Variants in CCNK observed in about 807,000 individuals in gnomAD.
CCNK encodes the protein cyclin K.
Under a neutral mutation model 65.0 loss-of-function variants are expected in CCNK, and 9 were observed. That is an observed-to-expected ratio of 0.14 (90% CI 0.08 to 0.24). The LOEUF (loss-of-function observed/expected upper bound fraction) is 0.24. CCNK is among the 10% of genes least tolerant of loss of function. The probability of loss-of-function intolerance (pLI) is 1.00; values close to 1 mark genes in which losing one functional copy is unlikely to be tolerated. For synonymous variants in CCNK, 279 were observed against 270.8 expected, an observed-to-expected ratio of 1.03 and a Z score of -0.30; for missense variants, 474 against 720.0, an observed-to-expected ratio of 0.66 and a Z score of 3.91.
rs371653930 is a variant in CCNK, at chr14:99,507,159, C to G, written c.1117+12C>G. Reference sequence around the variant, plus strand: ...CCACCCACCTCCAGGTAAGCATCTGCTGAAGCAGCTTGGCCAGCTGTGCAC... The same window carrying G: ...CCACCCACCTCCAGGTAAGCATCTGGTGAAGCAGCTTGGCCAGCTGTGCAC... On this transcript the variant is annotated intron_variant, in intron 10 of 10. Transcript: ENST00000389879. 1.3e-6 allele frequency: 2 copies of G among 1,555,408 alleles called. No individual in the cohort carries two copies. The highest frequency in any genetic ancestry group is 1.8e-6 in the Non-Finnish European group (2 of 1,127,018).
intron 1 of CCNK, among the ~76,000 whole-genome samples, chr14:99,483,292 T>C (rs910121257): frequency 1.3e-5 from 2 of 152,020 alleles, no homozygotes; most frequent in East Asian, 3.9e-4. Flanking sequence ...CTCACGCTTA[T>C]AATACCAGTA....
At position 99,500,972 on chromosome 14, in the gene CCNK, T is replaced by A. The variant is rs141211780; in HGVS notation, c.517+101T>A. ...CTTCTCAAAAGCGGAAAACAAAGTT[T>A]GATGTGTGAAATACCAAGGGCATGG... On this transcript the variant is annotated intron_variant, in intron 5 of 10. Coordinates refer to ENST00000389879, the MANE Select transcript of CCNK (RefSeq NM_001099402.2). 3.1e-4 allele frequency: 235 copies of A among 759,652 alleles called. 1 individual carries two copies. The African/African-American group carries it at 3.6e-3, about 12-fold the overall frequency. 47.1% of individuals were successfully genotyped at this position (759,652 alleles called of 1,614,324 possible). A position where few individuals can be genotyped will look rare whatever the true frequency, so the allele number is the denominator to read the frequency against.
chr14:99,492,177 A>T (rs1896610731), intron 1 of CCNK: 1 of 153,212 alleles, frequency 6.5e-6, no homozygotes, highest in African/African-American at 2.4e-5. Context: ...GAATAAACTG[A>T]AAAGGGGTGC....
intron 10 of CCNK, chr14:99,507,886 C>G (rs531637873): frequency 5.3e-5 from 8 of 152,244 alleles, no homozygotes; most frequent in South Asian, 2.1e-4. Context: ...CTCTCTGATA[C>G]CGCTGGCAAT....
At chr14:99,507,336 G>A in intron 10 of CCNK, 189 bp downstream of exon 10, 1 of 583,954 alleles carries the variant, frequency 1.7e-6, no homozygotes, top group Non-Finnish European at 3.1e-6. Context: ...CAGCACTTTG[G>A]GAGGCGGAGG....
Position 99,502,983 on chromosome 14 carries a change from T to A in CCNK, c.1010T>A (p.Val337Glu). 6.2e-7 allele frequency: 1 copy of A among 1,613,830 alleles called. No homozygotes were observed. The highest frequency in any genetic ancestry group is 1.1e-5 in the South Asian group (1 of 91,070). ...TCTCCCCGACAGGTTAAGCGAGCCG[T>A]GGTGAGTGGGCTAAAGCAGGCCCTG... ...PSSPRQVKRA[V>E]VVSPKEENKA... is the part of the protein sequence containing the mutation. Residue 337 changes from valine (V) to glutamate (E), a missense_variant and splice_region_variant, in exon 8 of 11, where the codon GTG (valine) becomes GAG (glutamate). Physicochemically the swap from Val to Glu is moderately radical, Grantham distance 121. Transcript: ENST00000389879.
chr14:99,492,613 C>G lies in CCNK; in HGVS notation c.-52-13C>G. On this transcript the variant is annotated splice_polypyrimidine_tract_variant and intron_variant, in intron 1 of 10. Coordinates refer to ENST00000389879, the MANE Select transcript of CCNK (RefSeq NM_001099402.2). ...AGTATTCCTTTCCAACTTTGTTTTT[C>G]TCTTTCTCATAGGATTCTAACATTT... The G allele has an allele frequency of 7.1e-7, 1 of 1,398,662 alleles. No homozygotes were observed. Among genetic ancestry groups the G allele is most frequent in the Non-Finnish European group, 9.7e-7 (1 of 1,027,252 alleles). 86.6% of individuals were successfully genotyped at this position (1,398,662 alleles called of 1,614,324 possible). A position where few individuals can be genotyped will look rare whatever the true frequency, so the allele number is the denominator to read the frequency against.
At chr14:99,488,941 T>C (rs571500444) in intron 1 of CCNK, among the ~76,000 whole-genome samples, 2 of 151,218 alleles carry the variant, frequency 1.3e-5, no homozygotes, top group African/African-American at 2.4e-5. Flanking sequence ...TAGCAAATCA[T>C]TCCTTCAGCA....
chr14:99,509,237 G>T (rs1897052696), intron 10 of CCNK: 1 of 152,270 alleles, frequency 6.6e-6, no homozygotes, highest in South Asian at 2.1e-4. Context: ...TGCTCCTGTG[G>T]TCTGTCTCCT....
intron 4 of CCNK, among the ~76,000 whole-genome samples, chr14:99,498,354 T>C (rs1896745441): frequency 6.6e-6 from 1 of 152,206 alleles, no homozygotes; most frequent in African/African-American, 2.4e-5. Context: ...ACCTGCCCCC[T>C]GCCTCTCTAT....
chr14:99,499,921 A>G (rs554307401), intron 4 of CCNK, among the ~76,000 whole-genome samples: 1 of 152,376 alleles, frequency 6.6e-6, no homozygotes, highest in Admixed American at 6.5e-5. Flanking sequence ...TATTAATAGC[A>G]TGTATGTTTT....
intron 2 of CCNK, 46 bp downstream of exon 2, chr14:99,492,920 C>A: frequency 7.0e-7 from 1 of 1,436,672 alleles, no homozygotes; most frequent in Admixed American, 2.6e-5. Context: ...GCTCCCCACT[C>A]ACCACCAAGA....
chr14:99,499,318 A>G (rs1241844280), intron 4 of CCNK, among the ~76,000 whole-genome samples: 1 of 152,216 alleles, frequency 6.6e-6, no homozygotes, highest in African/African-American at 2.4e-5. Context: ...GATTACAGGC[A>G]TGAGCCACCA....
chr14:99,484,066 G>A (rs1286571240), intron 1 of CCNK, among the ~76,000 whole-genome samples: 1 of 152,234 alleles, frequency 6.6e-6, no homozygotes, highest in Non-Finnish European at 1.5e-5. Context: ...AATTTACTTG[G>A]TGTGATTACA....
chr14:99,502,854 C>G lies in CCNK; in HGVS notation c.881C>G (p.Ser294Cys), dbSNP rs935270794. 28 of 1,613,308 alleles carry G rather than the reference C, an allele frequency of 1.7e-5. No homozygotes were observed. Among genetic ancestry groups the G allele is most frequent in the Non-Finnish European group, 2.3e-5 (27 of 1,179,610 alleles). ...QVPQVQQSQP[S>C]QSSEPSQPQQ... is the part of the protein sequence containing the mutation. ...CCGCAAGTACAGCAGTCACAGCCGT[C>G]TCAAAGCTCCGAACCATCCCAGCCC... Residue 294 changes from serine (S) to cysteine (C), a missense_variant, in exon 8 of 11, where the codon TCT becomes TGT. Around this residue, in one of 6 missense-constraint regions of CCNK, gnomAD observed 229 missense variants for 275.5 expected, o/e 0.83. Transcript: ENST00000389879.
At position 99,510,896 on chromosome 14, in the gene CCNK, T is replaced by A; in HGVS notation, c.*114T>A. 1.1e-6 allele frequency: 1 copy of A among 907,424 alleles called. No homozygotes were observed. The highest frequency in any genetic ancestry group is 1.5e-6 in the Non-Finnish European group (1 of 673,186). 56.2% of individuals were successfully genotyped at this position (907,424 alleles called of 1,614,324 possible). ...TGTATAATGCACGACAGTTGCAGTATGGGAAGAATGGACCGGGCCCCTGGG... is the reference window on the plus strand; with the variant it reads ...TGTATAATGCACGACAGTTGCAGTAAGGGAAGAATGGACCGGGCCCCTGGG... On this transcript the variant is annotated 3_prime_UTR_variant, in exon 11 of 11. Coordinates refer to ENST00000389879, the MANE Select transcript of CCNK (RefSeq NM_001099402.2).
chr14:99,490,928 C>CA (rs56222414), intron 1 of CCNK, among the ~76,000 whole-genome samples: 1,308 of 79,872 alleles, frequency 0.016, 10 homozygotes, highest in South Asian at 0.039. Flanking sequence ...GACTCCGTCT[C>CA]AAAAAAAAAA....
At chr14:99,483,162 C>A (rs1896397317) in intron 1 of CCNK, among the ~76,000 whole-genome samples, 1 of 152,096 alleles carries the variant, frequency 6.6e-6, no homozygotes, top group South Asian at 2.1e-4. Flanking sequence ...TATTAATAAT[C>A]TGTTTTAGAA....
In CCNK at chr14:99,510,493, C is replaced by A; in HGVS notation, c.1454C>A (p.Pro485Gln). ...PHVYPPNPPP[P>Q]PVPPPPASFP... is the part of the protein sequence containing the mutation. ...GTCTACCCGCCCAACCCGCCCCCGC[C>A]ACCTGTGCCTCCTCCCCCAGCCTCC... Residue 485 changes from proline (P) to glutamine (Q), a missense_variant, in exon 11 of 11, where the codon CCA becomes CAA. Physicochemically the swap from Pro to Gln is moderately conservative, Grantham distance 76. Around this residue, in one of 6 missense-constraint regions of CCNK, gnomAD observed 38 missense variants for 19.2 expected, o/e 1.98. Transcript: ENST00000389879. 1.7e-6 allele frequency: 2 copies of A among 1,199,558 alleles called. No homozygotes were observed. Among genetic ancestry groups the A allele is most frequent in the Non-Finnish European group, 1.2e-6 (1 of 860,480 alleles). The allele number at this position is 1,199,558 out of a possible 1,614,324, so 74.3% of individuals were successfully genotyped here.
Sources: gnomAD v4.1 joint callset for allele counts (sites outside exome capture counted in the v4.1 genomes callset) on GRCh38, gnomAD v4.1.1 for gene constraint, gnomAD v4.1.1 regional missense constraint, MANE v1.5 for transcripts, NCBI Gene and HGNC (gene_info 2026-07-23, HGNC 2026-07-21) for gene names.